PDE10A: variants seen among roughly 807,000 people sequenced by gnomAD.
The protein encoded by PDE10A is phosphodiesterase 10A.
A neutral mutation model predicts 97.7 loss-of-function variants in PDE10A; 39 were observed. The observed-to-expected ratio is 0.40, with a 90% CI of 0.31 to 0.52. PDE10A has a LOEUF of 0.52. PDE10A is among the 20% of genes least tolerant of loss of function. The pLI is 0.56. For missense variants in PDE10A, 731 were observed against 1,047.8 expected (o/e 0.70, Z 4.17); for synonymous variants, 371 against 376.8 (o/e 0.98, Z 0.18).
chr6:165,463,417 G>C (rs1202443119), intron 3 of PDE10A, among the ~76,000 whole-genome samples: 1 of 152,204 alleles, frequency 6.6e-6, no homozygotes, highest in Admixed American at 6.5e-5. Context: ...AAGCATCCCA[G>C]GCACGCCTGA....
At chr6:165,841,405 T>TTC in intron 1 of PDE10A, among the ~76,000 whole-genome samples, 1 of 152,228 alleles carries the variant, frequency 6.6e-6, no homozygotes, top group East Asian at 1.9e-4. Flanking sequence ...GCTTGCTGGC[T>TTC]TCTTGGTGTG....
At chr6:165,564,505 A>T (rs1231072891) in intron 1 of PDE10A, among the ~76,000 whole-genome samples, 1 of 152,244 alleles carries the variant, frequency 6.6e-6, no homozygotes, top group East Asian at 1.9e-4. Flanking sequence ...AAACTTAATA[A>T]ATGAAAATAT....
intron 1 of PDE10A, among the ~76,000 whole-genome samples, chr6:165,709,401 G>C (rs375638051): frequency 1.8e-5 from 2 of 112,606 alleles, no homozygotes; most frequent in Non-Finnish European, 1.8e-5. Context: ...ATGCTGCCGC[G>C]CTCCCTCCAC....
chr6:165,911,392 A>G (rs937618104), intron 1 of PDE10A, among the ~76,000 whole-genome samples: 4 of 152,216 alleles, frequency 2.6e-5, no homozygotes, highest in African/African-American at 9.6e-5. Flanking sequence ...ATTAGAAAAC[A>G]AATTTAAATA....
intron 1 of PDE10A, among the ~76,000 whole-genome samples, chr6:165,951,467 A>T (rs898475993): frequency 2.0e-5 from 3 of 152,038 alleles, no homozygotes; most frequent in Non-Finnish European, 2.9e-5. Flanking sequence ...CTGGATTGCC[A>T]CAGCTCCTTG....
chr6:165,758,431 A>G (rs1283862074), intron 1 of PDE10A, among the ~76,000 whole-genome samples: 1 of 152,098 alleles, frequency 6.6e-6, no homozygotes, highest in East Asian at 1.9e-4. Context: ...ACTGCACTCC[A>G]GCCGGGGTGA....
chr6:165,618,142 T>C (rs1787812963), intron 1 of PDE10A, among the ~76,000 whole-genome samples: 1 of 152,244 alleles, frequency 6.6e-6, no homozygotes, highest in Non-Finnish European at 1.5e-5. Context: ...TCAATATATG[T>C]ATACATTTTA....
intron 1 of PDE10A, among the ~76,000 whole-genome samples, chr6:165,905,786 T>C (rs957115442): frequency 7.2e-5 from 11 of 152,006 alleles, no homozygotes; most frequent in Non-Finnish European, 1.6e-4. Flanking sequence ...CTGGAAAGAC[T>C]GCATGCAACA....
At position 165,824,998 on chromosome 6, in the gene PDE10A, A is replaced by G. The variant is rs1229635302; in HGVS notation, c.-615+162531T>C. On this transcript the variant is annotated intron_variant, in intron 1 of 19. Coordinates refer to the PDE10A transcript ENST00000366882. ...AAAAAAAAAAAAAAAAAATACAAAA[A>G]ATTAGCTGGGCATGGTGGCAGTCAC... Among the ~76,000 whole-genome samples the G allele has an allele frequency of 5.3e-5, 8 of 150,570 alleles. No individual in the cohort carries two copies. The South Asian group carries it at 6.3e-4, about 12-fold the overall frequency.
chr6:165,525,254 G>A (rs747292159), intron 2 of PDE10A, among the ~76,000 whole-genome samples: 3 of 152,124 alleles, frequency 2.0e-5, no homozygotes, highest in African/African-American at 4.8e-5. Flanking sequence ...GATATTAAGG[G>A]TATGGGATAA....
intron 1 of PDE10A, among the ~76,000 whole-genome samples, chr6:165,654,317 T>G (rs1789829137): frequency 6.6e-6 from 1 of 152,110 alleles, no homozygotes; most frequent in Admixed American, 6.6e-5. Flanking sequence ...GGCTGGGCCA[T>G]CACCTGGCAG....
At chr6:165,650,279 T>C (rs573569372) in intron 1 of PDE10A, among the ~76,000 whole-genome samples, 169 of 152,266 alleles carry the variant, frequency 1.1e-3, no homozygotes, top group African/African-American at 3.9e-3. Context: ...GGGAGATAAG[T>C]TATATTATTC....
chr6:165,561,323 T>C (rs1019634896), intron 1 of PDE10A, among the ~76,000 whole-genome samples: 2 of 152,158 alleles, frequency 1.3e-5, no homozygotes, highest in Non-Finnish European at 2.9e-5. Context: ...ATTGTAAATT[T>C]CCTGAGGCTG....
intron 1 of PDE10A, among the ~76,000 whole-genome samples, chr6:165,588,062 T>C (rs1455112213): frequency 6.6e-6 from 1 of 152,194 alleles, no homozygotes; most frequent in Non-Finnish European, 1.5e-5. Flanking sequence ...CAATAAGAAA[T>C]GTATCTTTTG....
At chr6:165,881,018 C>A (rs1781456912) in intron 1 of PDE10A, among the ~76,000 whole-genome samples, 1 of 152,124 alleles carries the variant, frequency 6.6e-6, no homozygotes, top group Non-Finnish European at 1.5e-5. Context: ...ATATGCCTTT[C>A]TTTGTGTTCT....
At chr6:165,447,231 G>C (rs1790917180) in intron 5 of PDE10A, among the ~76,000 whole-genome samples, 1 of 152,186 alleles carries the variant, frequency 6.6e-6, no homozygotes. Flanking sequence ...GCACCTCTCA[G>C]TCTCTGCCCG....
intron 1 of PDE10A, among the ~76,000 whole-genome samples, chr6:165,839,987 CT>C (rs1562762802): frequency 0.011 from 18 of 1,688 alleles, no homozygotes; most frequent in South Asian, 0.017. Flanking sequence ...CCATCCCCAT[CT>C]CCAACTCCAT....
chr6:165,482,261 A>G, intron 3 of PDE10A, 54 bp downstream of exon 3: 1 of 1,226,468 alleles, frequency 8.2e-7, no homozygotes, highest in East Asian at 2.3e-5. Flanking sequence ...GAGATAAACA[A>G]AACAGATTCA....
intron 2 of PDE10A, among the ~76,000 whole-genome samples, chr6:165,486,158 A>G (rs1779904581): frequency 6.6e-6 from 1 of 152,236 alleles, no homozygotes; most frequent in Admixed American, 6.5e-5. Flanking sequence ...GAGTCTATCA[A>G]TGTTGACAGC....
Sources: allele counts gnomAD v4.1 joint callset (sites outside exome capture counted in the v4.1 genomes callset), GRCh38; gene constraint gnomAD v4.1.1; transcripts MANE v1.5; gene names NCBI Gene and HGNC (gene_info 2026-07-23, HGNC 2026-07-21).